EML5: variants seen among roughly 807,000 people sequenced by gnomAD.
EML5 encodes the protein echinoderm microtubule-associated protein-like 5.
In EML5, 120 loss-of-function variants were observed where a neutral mutation model predicts 250.0. The observed-to-expected ratio is 0.48, with a 90% CI of 0.41 to 0.56. The LOEUF is 0.56. EML5 is among the 20% of genes least tolerant of loss of function. EML5 has a pLI of 0.00. For missense variants in EML5, 2,006 were observed against 2,437.6 expected (o/e 0.82, Z 3.73); for synonymous variants, 771 against 806.5 (o/e 0.96, Z 0.75).
At chr14:88,670,458 C>G (rs1385080870) in intron 21 of EML5, among the ~76,000 whole-genome samples, 2 of 151,902 alleles carry the variant, frequency 1.3e-5, no homozygotes, top group Non-Finnish European at 2.9e-5. Flanking sequence ...AAAGATGAGA[C>G]AGAATCAAAG....
intron 8 of EML5, among the ~76,000 whole-genome samples, chr14:88,719,208 G>C (rs1032258051): frequency 1.3e-5 from 2 of 151,936 alleles, no homozygotes; most frequent in African/African-American, 4.8e-5. Context: ...AAAATGACAA[G>C]ACCACATCTC....
intron 23 of EML5, 60 bp downstream of exon 23, chr14:88,664,433 A>T: frequency 7.1e-7 from 1 of 1,413,860 alleles, no homozygotes. Flanking sequence ...CGTTTCTCTA[A>T]TATAGCTATA....
chr14:88,667,718 G>A (rs946665899), intron 21 of EML5, among the ~76,000 whole-genome samples: 2 of 152,278 alleles, frequency 1.3e-5, no homozygotes, highest in East Asian at 1.9e-4. Context: ...AACAGAGCCC[G>A]GGCACTGGCA....
chr14:88,709,361 A>G (rs904838223), intron 10 of EML5, among the ~76,000 whole-genome samples: 3 of 150,418 alleles, frequency 2.0e-5, no homozygotes, highest in African/African-American at 7.5e-5. Flanking sequence ...AAAATTACAA[A>G]GCATTTGTAT....
chr14:88,761,033 G>T (rs1431297129), intron 1 of EML5, among the ~76,000 whole-genome samples: 1 of 152,058 alleles, frequency 6.6e-6, no homozygotes, highest in East Asian at 1.9e-4. Context: ...TGAGTTTTAG[G>T]AGTAGTGTTT....
intron 10 of EML5, among the ~76,000 whole-genome samples, chr14:88,709,714 C>T (rs1424816977): frequency 2.6e-5 from 4 of 152,188 alleles, no homozygotes; most frequent in African/African-American, 9.7e-5. Flanking sequence ...CTAGTTATTT[C>T]ACTCCTTTGA....
intron 25 of EML5, among the ~76,000 whole-genome samples, chr14:88,660,311 T>A (rs1185267618): frequency 6.6e-6 from 1 of 151,034 alleles, no homozygotes; most frequent in Admixed American, 6.6e-5. Context: ...AAGGAATGCA[T>A]TGTATCTGGA....
intron 2 of EML5, among the ~76,000 whole-genome samples, chr14:88,750,142 C>G (rs746858288): frequency 1.3e-5 from 2 of 152,136 alleles, no homozygotes; most frequent in African/African-American, 2.4e-5. Context: ...CTATAGACAG[C>G]TTATCAAATG....
chr14:88,681,874 T>G lies in EML5; in HGVS notation c.3124+16A>C. On this transcript the variant is annotated intron_variant, in intron 21 of 43. Coordinates refer to ENST00000554922, the MANE Select transcript of EML5 (RefSeq NM_183387.3). ...TGTGAGAGCTTAATCTACGTTCAAG[T>G]GTGAGAGCCTCTTACCCTTTTTCAG... The G allele has an allele frequency of 6.3e-7, 1 of 1,592,482 alleles. No homozygotes were observed.
chr14:88,670,948 T>C lies in EML5; in HGVS notation c.3125-5459A>G, dbSNP rs539071912. ...TAGAAAGACTGAACCTATGACTGAC[T>C]GGGGTACCTGAACAGAACAAAGTTG... On this transcript the variant is annotated intron_variant, in intron 21 of 43. Coordinates refer to ENST00000554922, the MANE Select transcript of EML5 (RefSeq NM_183387.3). Among the ~76,000 whole-genome samples, 65 of 152,054 alleles carry C rather than the reference T, an allele frequency of 4.3e-4. No individual in the cohort carries two copies. The South Asian group carries it at 8.3e-3, about 19-fold the overall frequency.
At position 88,682,768 on chromosome 14, in the gene EML5, G is replaced by A. The variant is rs528118220; in HGVS notation, c.2983-737C>T. Among the ~76,000 whole-genome samples, 67 of 152,344 alleles carry A rather than the reference G, an allele frequency of 4.4e-4. 1 individual carries two copies. Among genetic ancestry groups the A allele is most frequent in the Admixed American group, 8.5e-4 (13 of 15,306 alleles). Reference sequence around the variant, plus strand: ...TAACTTCTGCCCAGCCCCTCCTCCAGATGGAGGCTCTACTTTGGATGTGGT... The same window carrying A: ...TAACTTCTGCCCAGCCCCTCCTCCAAATGGAGGCTCTACTTTGGATGTGGT... On this transcript the variant is annotated intron_variant, in intron 20 of 43. Coordinates refer to ENST00000554922, the MANE Select transcript of EML5 (RefSeq NM_183387.3).
In EML5 at chr14:88,620,472, C is replaced by T. The variant is rs2088694425; in HGVS notation, c.5375+282G>A. The T allele has an allele frequency of 7.5e-6, 2 of 266,364 alleles. No homozygotes were observed. Among genetic ancestry groups the T allele is most frequent in the Non-Finnish European group, 1.4e-5 (2 of 143,598 alleles). The allele number at this position is 266,364 out of a possible 1,614,324, so 16.5% of individuals were successfully genotyped here. Reference sequence around the variant, plus strand: ...CTCTCTTGTATTACAGTGGGAGATACCTCTTGGTGGGATGAACTTAATGGA... The same window carrying T: ...CTCTCTTGTATTACAGTGGGAGATATCTCTTGGTGGGATGAACTTAATGGA... On this transcript the variant is annotated intron_variant, in intron 39 of 43. Coordinates refer to ENST00000554922, the MANE Select transcript of EML5 (RefSeq NM_183387.3). This position sits in a 1 kb window ranked among gnomAD's most constrained non-coding sequence, Gnocchi z 4.3.
Position 88,772,836 on chromosome 14 carries a change from A to C in EML5, c.198-18165T>G, listed in dbSNP as rs559463415. On this transcript the variant is annotated intron_variant, in intron 1 of 43. Transcript: ENST00000554922. ...CTTTTGTTCACTACACTCCAGCTAC[A>C]CTGGCCTTTCTATCCCTTAAAATGG... 3.9e-5 allele frequency among the ~76,000 whole-genome samples: 6 copies of C among 152,210 alleles called. No individual in the cohort carries two copies. The East Asian group carries it at 1.2e-3, about 29-fold the overall frequency.
At chr14:88,624,042 A>ACTT (rs1197230725) in intron 36 of EML5, 1 of 152,058 alleles carries the variant, frequency 6.6e-6, no homozygotes, top group African/African-American at 2.4e-5. Flanking sequence ...ATTGAAATGT[A>ACTT]CTTCTTAGTC....
chr14:88,657,286 T>C lies in EML5; in HGVS notation c.4004+90A>G, dbSNP rs189728328. ...TCTATAGCAAGAATATCACTGTTAC[T>C]TAGTTTGTGTAAAAAAGCCACTTAA... is the stretch of plus-strand genomic sequence containing the variant. On this transcript the variant is annotated intron_variant, in intron 27 of 43. Coordinates refer to ENST00000554922, the MANE Select transcript of EML5 (RefSeq NM_183387.3). The C allele has an allele frequency of 1.6e-4, 197 of 1,258,142 alleles. 1 individual carries two copies. The East Asian group carries it at 4.0e-3, about 26-fold the overall frequency. The allele number at this position is 1,258,142 out of a possible 1,614,324, so 77.9% of individuals were successfully genotyped here.
intron 7 of EML5, among the ~76,000 whole-genome samples, chr14:88,730,259 C>T (rs1474844526): frequency 6.6e-6 from 1 of 152,136 alleles, no homozygotes; most frequent in African/African-American, 2.4e-5. Context: ...ACTAAGCACT[C>T]ATCACAATTT....
chr14:88,638,726 T>C, intron 32 of EML5, 83 bp downstream of exon 32: 4 of 1,153,024 alleles, frequency 3.5e-6, no homozygotes, highest in South Asian at 2.8e-5. Context: ...ATCAATAAAA[T>C]TTTGATTTTT....
At chr14:88,703,496 A>G (rs953611950) in intron 13 of EML5, among the ~76,000 whole-genome samples, 3 of 152,224 alleles carry the variant, frequency 2.0e-5, no homozygotes, top group African/African-American at 7.2e-5. Flanking sequence ...AATGGTCAAT[A>G]TAAGTCTATT....
intron 7 of EML5, among the ~76,000 whole-genome samples, chr14:88,727,567 T>G (rs1229482778): frequency 2.0e-5 from 3 of 151,942 alleles, no homozygotes; most frequent in African/African-American, 7.3e-5. Flanking sequence ...ACGCCTGTAT[T>G]TTGTATTTTT....
Sources: allele counts gnomAD v4.1 joint callset (sites outside exome capture counted in the v4.1 genomes callset), GRCh38; gene constraint gnomAD v4.1.1; non-coding constraint Gnocchi (gnomAD v3.1); transcripts MANE v1.5; gene names NCBI Gene and HGNC (gene_info 2026-07-23, HGNC 2026-07-21).